The following RASSF2 variants were observed in gnomAD, a reference collection of about 807,000 sequenced individuals.
RASSF2 encodes ras association domain-containing protein 2.
A neutral mutation model predicts 46.3 loss-of-function variants in RASSF2; 34 were observed. The observed-to-expected ratio is 0.73, with a 90% CI of 0.56 to 0.98. The LOEUF (loss-of-function observed/expected upper bound fraction) is 0.98. Ranked by LOEUF, RASSF2 falls within the 50% of genes least tolerant of loss-of-function variation. The pLI, the probability that RASSF2 is intolerant of heterozygous loss-of-function variation, is 0.00. For synonymous variants in RASSF2, 158 were observed against 162.5 expected, an observed-to-expected ratio of 0.97 and a Z score of 0.21; for missense variants, 364 against 431.2, an observed-to-expected ratio of 0.84 and a Z score of 1.38.
rs1329065939 is a variant in RASSF2, at chr20:4,784,375, A to C, written c.912-33T>G. ...CAAGAAACAGGCTCAGATGGAGAGC[A>C]GCCAGCAACACACCCCTGCCCAGGA... On this transcript the variant is annotated intron_variant, in intron 11 of 11. Coordinates refer to ENST00000379400, the MANE Select transcript of RASSF2 (RefSeq NM_014737.3). 1.9e-6 allele frequency: 3 copies of C among 1,599,406 alleles called. No individual in the cohort carries two copies. In the South Asian group the frequency reaches 3.3e-5, roughly 18 times the overall value.
At chr20:4,793,740 G>A (rs949879022) in intron 5 of RASSF2, among the ~76,000 whole-genome samples, 8 of 151,812 alleles carry the variant, frequency 5.3e-5, no homozygotes, top group Non-Finnish European at 1.2e-4. Context: ...TCAGCCTCCC[G>A]AAGTGCTGGG....
Position 4,783,399 on chromosome 20 carries a change from T to C in RASSF2, c.*874A>G, listed in dbSNP as rs1925008481. 1 of 152,318 alleles carries C rather than the reference T, an allele frequency of 6.6e-6. No individual in the cohort carries two copies. The highest frequency in any genetic ancestry group is 6.5e-5 in the Admixed American group (1 of 15,278). 9.4% of individuals were successfully genotyped at this position (152,318 alleles called of 1,614,324 possible). A position where few individuals can be genotyped will look rare whatever the true frequency, so the allele number is the denominator to read the frequency against. On this transcript the variant is annotated 3_prime_UTR_variant, in exon 12 of 12. Coordinates refer to ENST00000379400, the MANE Select transcript of RASSF2 (RefSeq NM_014737.3). The stretch of plus-strand genomic sequence containing the variant: ...TGTGTACGCACCAGCGAGATCTTTG[T>C]TTCTTGAGACATTTCCTTCCACTCA...
intron 4 of RASSF2, among the ~76,000 whole-genome samples, chr20:4,797,470 G>A (rs1926441282): frequency 6.6e-6 from 1 of 152,178 alleles, no homozygotes; most frequent in South Asian, 2.1e-4. Context: ...ACAGGCTTTA[G>A]AGAAATGGAT....
At chr20:4,798,185 C>A in intron 3 of RASSF2, 100 bp from the exon 4 acceptor site, 22 of 1,521,886 alleles carry the variant, frequency 1.4e-5, no homozygotes, top group Non-Finnish European at 1.9e-5. Flanking sequence ...CCTTCAGTCA[C>A]CCCACTTTGG....
chr20:4,792,345 T>G (rs923467587), intron 6 of RASSF2, among the ~76,000 whole-genome samples, 194 bp downstream of exon 6: 6 of 151,740 alleles, frequency 4.0e-5, no homozygotes, highest in African/African-American at 1.5e-4. Flanking sequence ...TATATTTGCA[T>G]GGACTATCCC....
rs1927868237 is a variant in RASSF2 at position 4,812,077 on chromosome 20, A to G, written c.-33+10252T>C. On this transcript the variant is annotated intron_variant, in intron 2 of 11. Transcript: ENST00000379400. The surrounding 1 kb of genome is among the most constrained non-coding windows in gnomAD (Gnocchi z 4.0). ...AAACAGGAAACCCCAGCCCCATTGC[A>G]CCACACGAGGAAGGAGACTTGAGCT... Among the ~76,000 whole-genome samples, 2 of 152,150 alleles carry G rather than the reference A, an allele frequency of 1.3e-5. No individual in the cohort carries two copies. Among genetic ancestry groups the G allele is most frequent in the African/African-American group, 2.4e-5 (1 of 41,428 alleles).
At chr20:4,819,893 G>A (rs1335459885) in intron 2 of RASSF2, among the ~76,000 whole-genome samples, 1 of 152,234 alleles carries the variant, frequency 6.6e-6, no homozygotes, top group African/African-American at 2.4e-5. Flanking sequence ...AGGAATGGAT[G>A]AGAGGGTCCC....
At chr20:4,813,950 G>C (rs904044050) in intron 2 of RASSF2, among the ~76,000 whole-genome samples, 1 of 152,138 alleles carries the variant, frequency 6.6e-6, no homozygotes, top group African/African-American at 2.4e-5. Context: ...GTCCCTCGTG[G>C]GCTCCAGTTC....
intron 5 of RASSF2, chr20:4,792,960 C>T (rs1032207979): frequency 3.2e-6 from 1 of 310,318 alleles, no homozygotes; most frequent in Non-Finnish European, 6.1e-6. Context: ...GTTGCCTGCA[C>T]TGCTTCTAAG....
intron 8 of RASSF2, 68 bp downstream of exon 8, chr20:4,789,528 C>A: frequency 7.3e-7 from 1 of 1,369,980 alleles, no homozygotes; most frequent in South Asian, 1.2e-5. Flanking sequence ...GCTCCTCGCA[C>A]AACCACTCTA....
In RASSF2 at chr20:4,783,417, T is replaced by C. The variant is rs1925010280; in HGVS notation, c.*856A>G. On this transcript the variant is annotated 3_prime_UTR_variant, in exon 12 of 12. Coordinates refer to ENST00000379400, the MANE Select transcript of RASSF2 (RefSeq NM_014737.3). ...ATCTTTGTTTCTTGAGACATTTCCT[T>C]CCACTCAAGGAAGCGCCATAGAGAC... The C allele has an allele frequency of 6.6e-6, 1 of 152,372 alleles. No individual in the cohort carries two copies. The allele number at this position is 152,372 out of a possible 1,614,324, so 9.4% of individuals were successfully genotyped here.
At chr20:4,792,691 C>T (rs1390394989) in intron 5 of RASSF2, 64 bp from the exon 6 acceptor site, 14 of 1,561,162 alleles carry the variant, frequency 9.0e-6, no homozygotes, top group Non-Finnish European at 6.9e-6. Context: ...GAGACGCCCC[C>T]GCACCCGCTG....
At chr20:4,815,584 G>A (rs571749164) in intron 2 of RASSF2, among the ~76,000 whole-genome samples, 133 of 152,320 alleles carry the variant, frequency 8.7e-4, no homozygotes, top group African/African-American at 3.1e-3. Context: ...CCTCCTTCTC[G>A]AGCTTCAGGG....
chr20:4,791,148 CAT>C (rs1395572890), intron 6 of RASSF2, among the ~76,000 whole-genome samples: 2 of 152,126 alleles, frequency 1.3e-5, no homozygotes, highest in Non-Finnish European at 2.9e-5. Context: ...GAGTGTACCT[CAT>C]ATAAGTGTAC....
chr20:4,814,200 C>T (rs1298836525), intron 2 of RASSF2, among the ~76,000 whole-genome samples: 1 of 152,184 alleles, frequency 6.6e-6, no homozygotes, highest in Admixed American at 6.5e-5. Flanking sequence ...GGGCCTGAGG[C>T]CTGTGTCCCC....
At chr20:4,799,638 G>A (rs868071609) in intron 3 of RASSF2, among the ~76,000 whole-genome samples, 2 of 152,220 alleles carry the variant, frequency 1.3e-5, no homozygotes, top group South Asian at 2.1e-4. Flanking sequence ...ACAAAAGGCC[G>A]TTTGGTACTT....
In RASSF2 at chr20:4,784,489, C is replaced by T; in HGVS notation, c.912-147G>A. 3 of 597,730 alleles carry T rather than the reference C, an allele frequency of 5.0e-6. No homozygotes were observed. The South Asian group carries it at 6.0e-5, about 12-fold the overall frequency. The allele number at this position is 597,730 out of a possible 1,614,324, so 37.0% of individuals were successfully genotyped here. A position where few individuals can be genotyped will look rare whatever the true frequency, so the allele number is the denominator to read the frequency against. On this transcript the variant is annotated intron_variant, in intron 11 of 11. Coordinates refer to ENST00000379400, the MANE Select transcript of RASSF2 (RefSeq NM_014737.3). ...TCCTTTGCTTCCATTACTGACCCCTCTTTAGCTACTTTGTTGCTTATGTTC... is the reference window on the plus strand; with the variant it reads ...TCCTTTGCTTCCATTACTGACCCCTTTTTAGCTACTTTGTTGCTTATGTTC...
At position 4,787,532 on chromosome 20, in the gene RASSF2, T is replaced by C. The variant is rs917974819; in HGVS notation, c.813+101A>G. On this transcript the variant is annotated intron_variant, in intron 10 of 11. Coordinates refer to ENST00000379400, the MANE Select transcript of RASSF2 (RefSeq NM_014737.3). ...GGTGCTGAAGAAGTAAAAGGGGGCA[T>C]GGTCGTTGGTCAAAAAAGTCATTCT... 5.5e-6 allele frequency: 8 copies of C among 1,458,426 alleles called. No homozygotes were observed. The African/African-American group carries it at 8.4e-5, about 15-fold the overall frequency. The allele number at this position is 1,458,426 out of a possible 1,614,324, so 90.3% of individuals were successfully genotyped here. A position where few individuals can be genotyped will look rare whatever the true frequency, so the allele number is the denominator to read the frequency against.
At chr20:4,804,716 T>G (rs1239972286) in intron 2 of RASSF2, among the ~76,000 whole-genome samples, 2 of 152,200 alleles carry the variant, frequency 1.3e-5, no homozygotes, top group African/African-American at 4.8e-5. Context: ...CTTCTACACA[T>G]GTATAAATTT....
Sources: allele counts gnomAD v4.1 joint callset (sites outside exome capture counted in the v4.1 genomes callset), GRCh38; gene constraint gnomAD v4.1.1; non-coding constraint Gnocchi (gnomAD v3.1); transcripts MANE v1.5; gene names NCBI Gene and HGNC (gene_info 2026-07-23, HGNC 2026-07-21).